ABTB2: variants seen among roughly 807,000 people sequenced by gnomAD.
ABTB2 encodes the protein ankyrin repeat and BTB/POZ domain-containing protein 2.
In ABTB2, 56 loss-of-function variants were observed where a neutral mutation model predicts 104.1. The observed-to-expected ratio is 0.54, with a 90% confidence interval of 0.43 to 0.67. The LOEUF is 0.67. Ranked by LOEUF, ABTB2 falls within the 30% of genes least tolerant of loss-of-function variation. The probability of loss-of-function intolerance (pLI) is 0.00; values close to 1 mark genes in which losing one functional copy is unlikely to be tolerated. For synonymous variants in ABTB2, 606 were observed against 608.2 expected (o/e 1.00, Z 0.05); for missense variants, 1,279 against 1,407.7 (o/e 0.91, Z 1.46).
intron 1 of ABTB2, among the ~76,000 whole-genome samples, chr11:34,267,386 C>A (rs1854264697): frequency 6.6e-6 from 1 of 152,186 alleles, no homozygotes; most frequent in Non-Finnish European, 1.5e-5. Flanking sequence ...GGACCCCAAC[C>A]CTGGCCTCTT....
At chr11:34,178,684 G>C (rs1037462216) in intron 3 of ABTB2, among the ~76,000 whole-genome samples, 1 of 152,216 alleles carries the variant, frequency 6.6e-6, no homozygotes, top group African/African-American at 2.4e-5. Flanking sequence ...AGCTCCCTTT[G>C]TTCAGCCTTT....
rs543820812 is a variant in ABTB2, at chr11:34,329,338, C to CTT, written c.883+27361_883+27362dup. 2.1e-3 allele frequency among the ~76,000 whole-genome samples: 316 copies of CTT among 152,322 alleles called. 2 individuals carry two copies. Among genetic ancestry groups the CTT allele is most frequent in the African/African-American group, 7.0e-3 (292 of 41,564 alleles). On this transcript the variant is annotated intron_variant, in intron 1 of 16. Coordinates refer to ENST00000435224, the MANE Select transcript of ABTB2 (RefSeq NM_145804.3). ...CTAGAAGACTGGTTTTTCCACTCCACTTCCTTCCAGATCCATCTTCCATCC... is the reference window on the plus strand; with the variant it reads ...CTAGAAGACTGGTTTTTCCACTCCACTTTTCCTTCCAGATCCATCTTCCATCC...
At chr11:34,218,597 C>T (rs112794378) in intron 1 of ABTB2, among the ~76,000 whole-genome samples, 3,660 of 152,170 alleles carry the variant, frequency 0.024, 157 homozygotes, top group African/African-American at 0.085. Context: ...CGCCTGTAAT[C>T]CCACCACTTT....
In ABTB2 at chr11:34,204,600, A is replaced by G; in HGVS notation, c.974T>C (p.Leu325Pro). The G allele has an allele frequency of 3.1e-6, 5 of 1,613,744 alleles. No homozygotes were observed. The highest frequency in any genetic ancestry group is 4.2e-6 in the Non-Finnish European group (5 of 1,179,998). ...CAGGAGGGACTGCTCCAGGGTTCGGAGCTCCAGCTGGGCATAGGCATCGGC... is the reference window on the plus strand; with the variant it reads ...CAGGAGGGACTGCTCCAGGGTTCGGGGCTCCAGCTGGGCATAGGCATCGGC... ...ERADAYAQLE[L>P]RTLEQSLLAT... is the part of the protein sequence containing the mutation. Residue 325 changes from leucine (L) to proline (P), a missense_variant, in exon 2 of 17, where the codon CTC becomes CCC. Transcript: ENST00000435224.
At chr11:34,228,869 C>A (rs1853722138) in intron 1 of ABTB2, among the ~76,000 whole-genome samples, 1 of 152,026 alleles carries the variant, frequency 6.6e-6, no homozygotes, top group South Asian at 2.1e-4. Context: ...CCTGTAATTC[C>A]AGGAGTTTGG....
intron 1 of ABTB2, among the ~76,000 whole-genome samples, chr11:34,325,527 T>C (rs2133113526): frequency 6.6e-6 from 1 of 152,334 alleles, no homozygotes; most frequent in East Asian, 1.9e-4. Flanking sequence ...ATATACTACC[T>C]GTAAGAACCT....
In ABTB2 at chr11:34,164,948, C is replaced by T. The variant is rs1289415173; in HGVS notation, c.1853-127G>A. 11 of 1,186,474 alleles carry T rather than the reference C, an allele frequency of 9.3e-6. No homozygotes were observed. The South Asian group carries it at 1.7e-4, about 18-fold the overall frequency. 73.5% of individuals were successfully genotyped at this position (1,186,474 alleles called of 1,614,324 possible). A position where few individuals can be genotyped will look rare whatever the true frequency, so the allele number is the denominator to read the frequency against. ...CTGGAATAAGTCAGTAAACCCCACA[C>T]TCATCTGCATTTGGTGGACGAAGTG... On this transcript the variant is annotated intron_variant, in intron 8 of 16. Transcript: ENST00000435224.
At position 34,154,065 on chromosome 11, in the gene ABTB2, A is replaced by G. The variant is rs1283260167; in HGVS notation, c.2880+200T>C. ...AGCTGGCTCAAAAGCTCACCTCCCA[A>G]GCTACCACATGGCCAGTGGGCAGCA... On this transcript the variant is annotated intron_variant, in intron 16 of 16. Transcript: ENST00000435224. The surrounding 1 kb of genome is among the most constrained non-coding windows in gnomAD (Gnocchi z 4.9). Among the ~76,000 whole-genome samples the G allele has an allele frequency of 6.6e-6, 1 of 152,164 alleles. No homozygotes were observed.
Position 34,245,683 on chromosome 11 carries a change from C to T in ABTB2, c.884-40993G>A, listed in dbSNP as rs543445155. ...GGGGCTGCCACCTTCCAGACCACGG[C>T]ACAGCCTGCTTCTGGGGCTCATACA... is the stretch of plus-strand genomic sequence containing the variant. On this transcript the variant is annotated intron_variant, in intron 1 of 16. Transcript: ENST00000435224. 2.6e-5 allele frequency among the ~76,000 whole-genome samples: 4 copies of T among 152,292 alleles called. No individual in the cohort carries two copies. The East Asian group carries it at 7.7e-4, about 29-fold the overall frequency.
At position 34,239,599 on chromosome 11, in the gene ABTB2, G is replaced by C. The variant is rs180955927; in HGVS notation, c.884-34909C>G. Among the ~76,000 whole-genome samples, 4 of 152,222 alleles carry C rather than the reference G, an allele frequency of 2.6e-5. No homozygotes were observed. The East Asian group carries it at 7.7e-4, about 29-fold the overall frequency. On this transcript the variant is annotated intron_variant, in intron 1 of 16. Coordinates refer to ENST00000435224, the MANE Select transcript of ABTB2 (RefSeq NM_145804.3). ...TCCCATCTCAGCCTCCCAAAGTTCT[G>C]GGATTACAGGTCTGAGCCACCACCC...
chr11:34,169,709 C>A (rs1354957728), intron 5 of ABTB2, among the ~76,000 whole-genome samples: 15 of 152,246 alleles, frequency 9.9e-5, no homozygotes, highest in African/African-American at 3.1e-4. Flanking sequence ...CTCTGGAAGT[C>A]CAGTGCTGGG....
intron 1 of ABTB2, among the ~76,000 whole-genome samples, chr11:34,354,570 G>A (rs1043141792): frequency 4.1e-4 from 63 of 152,290 alleles, no homozygotes; most frequent in African/African-American, 1.3e-3. Context: ...CCCTAGATAA[G>A]AAATAGTTCT....
intron 1 of ABTB2, among the ~76,000 whole-genome samples, chr11:34,250,177 G>A (rs1252863347): frequency 6.6e-6 from 1 of 152,160 alleles, no homozygotes; most frequent in Non-Finnish European, 1.5e-5. Flanking sequence ...AGGCTGGCAA[G>A]GTAGATGGAG....
intron 1 of ABTB2, among the ~76,000 whole-genome samples, chr11:34,351,853 T>C (rs1411437769): frequency 6.6e-6 from 1 of 152,096 alleles, no homozygotes; most frequent in African/African-American, 2.4e-5. Flanking sequence ...CAGGTAGAGC[T>C]TTCAGTAGGA....
intron 1 of ABTB2, among the ~76,000 whole-genome samples, chr11:34,338,314 G>A (rs1376547697): frequency 6.6e-6 from 1 of 151,888 alleles, no homozygotes; most frequent in African/African-American, 2.4e-5. Flanking sequence ...TCAGGAGATG[G>A]AGGTTGCAAT....
intron 1 of ABTB2, among the ~76,000 whole-genome samples, chr11:34,330,970 C>G (rs1177264302): frequency 2.6e-5 from 4 of 152,196 alleles, no homozygotes; most frequent in African/African-American, 9.6e-5. Context: ...AAATCTGCCT[C>G]TTTATGAATG....
chr11:34,334,659 C>T (rs1048810375), intron 1 of ABTB2, among the ~76,000 whole-genome samples: 3 of 152,180 alleles, frequency 2.0e-5, no homozygotes, highest in Non-Finnish European at 4.4e-5. Context: ...CCCTTTCCCT[C>T]TTCCCATGAG....
In ABTB2 at chr11:34,326,788, G is replaced by C. The variant is rs1164794358; in HGVS notation, c.883+29913C>G. On this transcript the variant is annotated intron_variant, in intron 1 of 16. Transcript: ENST00000435224. The stretch of plus-strand genomic sequence containing the variant: ...TAAATGTTCTAAACATATCAGTTAG[G>C]GCTGGGTGCGTTGTCTCATGCCTAT... Among the ~76,000 whole-genome samples the C allele has an allele frequency of 2.0e-5, 3 of 152,108 alleles. No individual in the cohort carries two copies. The South Asian group carries it at 6.2e-4, about 32-fold the overall frequency.
In ABTB2 at chr11:34,237,940, A is replaced by G. The variant is rs1030687203; in HGVS notation, c.884-33250T>C. Among the ~76,000 whole-genome samples the G allele has an allele frequency of 9.9e-5, 15 of 152,228 alleles. 1 individual carries two copies. The South Asian group carries it at 3.1e-3, about 32-fold the overall frequency. ...GCTATGCCACCCACCACCACCCTGG[A>G]CCACACTCTCACTAAGTCTTTAAAT... On this transcript the variant is annotated intron_variant, in intron 1 of 16. Coordinates refer to ENST00000435224, the MANE Select transcript of ABTB2 (RefSeq NM_145804.3).
Sources: allele counts gnomAD v4.1 joint callset (sites outside exome capture counted in the v4.1 genomes callset), GRCh38; gene constraint gnomAD v4.1.1; non-coding constraint Gnocchi (gnomAD v3.1); transcripts MANE v1.5; gene names NCBI Gene and HGNC (gene_info 2026-07-23, HGNC 2026-07-21).